CSMD1: variants seen among roughly 807,000 people sequenced by gnomAD.
The protein encoded by CSMD1 is CUB and Sushi multiple domains 1.
In CSMD1, 213 loss-of-function variants were observed where a neutral mutation model predicts 417.5. The observed-to-expected ratio is 0.51, with a 90% confidence interval of 0.46 to 0.57. The LOEUF is 0.57. Among genes scored for constraint, CSMD1 ranks in the 20% least tolerant of loss-of-function variants. The probability of loss-of-function intolerance (pLI) is 0.00; values close to 1 mark genes in which losing one functional copy is unlikely to be tolerated. For missense variants in CSMD1, 6,923 were observed against 4,529.7 expected, an observed-to-expected ratio of 1.53 and a Z score of -15.17; for synonymous variants, 2,862 against 1,736.8, an observed-to-expected ratio of 1.65 and a Z score of -16.11.
intron 3 of CSMD1, among the ~76,000 whole-genome samples, chr8:4,105,664 C>T (rs1801531573): frequency 6.6e-6 from 1 of 152,282 alleles, no homozygotes. Context: ...GTTTCTGACC[C>T]CATTAGCAGG....
chr8:4,022,794 C>A (rs1316219812), intron 4 of CSMD1, among the ~76,000 whole-genome samples: 1 of 152,128 alleles, frequency 6.6e-6, no homozygotes, highest in Non-Finnish European at 1.5e-5. Flanking sequence ...ACATATTAAG[C>A]AATCGTGTAA....
intron 57 of CSMD1, among the ~76,000 whole-genome samples, chr8:2,970,520 T>C (rs1358460655): frequency 6.6e-6 from 1 of 152,224 alleles, no homozygotes; most frequent in African/African-American, 2.4e-5. Flanking sequence ...AGATTATATC[T>C]ATAAAGTCTG....
At chr8:3,486,864 T>C (rs1818066996) in intron 11 of CSMD1, among the ~76,000 whole-genome samples, 1 of 152,218 alleles carries the variant, frequency 6.6e-6, no homozygotes, top group African/African-American at 2.4e-5. Flanking sequence ...AACAGGGTTC[T>C]TGGAAGAGGA....
intron 2 of CSMD1, among the ~76,000 whole-genome samples, chr8:4,533,400 G>A (rs1796939423): frequency 6.6e-6 from 1 of 152,172 alleles, no homozygotes; most frequent in African/African-American, 2.4e-5. Flanking sequence ...CATATGACCA[G>A]GATGGACGGA....
At chr8:4,356,361 T>C (rs1801432799) in intron 3 of CSMD1, among the ~76,000 whole-genome samples, 2 of 150,602 alleles carry the variant, frequency 1.3e-5, no homozygotes. Context: ...AGTTTCTTTA[T>C]CCACTTGTTG....
intron 18 of CSMD1, chr8:3,373,671 C>T (rs1218074840): frequency 1.3e-5 from 2 of 152,154 alleles, no homozygotes; most frequent in East Asian, 1.9e-4. Flanking sequence ...TATAGCTGCT[C>T]ATAATTTGAA....
intron 3 of CSMD1, among the ~76,000 whole-genome samples, chr8:4,222,594 C>T (rs1248284694): frequency 6.6e-6 from 1 of 152,096 alleles, no homozygotes; most frequent in Admixed American, 6.5e-5. Flanking sequence ...TCTGATTGTC[C>T]GAAGCCTGGC....
At chr8:3,605,481 C>T (rs1801568247) in intron 8 of CSMD1, among the ~76,000 whole-genome samples, 1 of 152,120 alleles carries the variant, frequency 6.6e-6, no homozygotes, top group African/African-American at 2.4e-5. Context: ...TATCAATACG[C>T]TACAAAAAAT....
intron 54 of CSMD1, among the ~76,000 whole-genome samples, chr8:2,983,966 G>C (rs1432123225): frequency 2.0e-5 from 3 of 152,122 alleles, no homozygotes; most frequent in African/African-American, 4.8e-5. Context: ...TTAATATTAA[G>C]CAAAATTGGC....
chr8:3,275,472 A>G (rs535503706), intron 26 of CSMD1, among the ~76,000 whole-genome samples: 19 of 152,118 alleles, frequency 1.2e-4, no homozygotes, highest in Non-Finnish European at 2.1e-4. Flanking sequence ...GTGAATGTTG[A>G]CCTGCCTTGC....
At chr8:3,537,802 G>C (rs766008361) in intron 10 of CSMD1, among the ~76,000 whole-genome samples, 1 of 152,160 alleles carries the variant, frequency 6.6e-6, no homozygotes, top group Non-Finnish European at 1.5e-5. Flanking sequence ...CTCATCCATA[G>C]CACTTGGCAC....
intron 3 of CSMD1, among the ~76,000 whole-genome samples, chr8:4,124,816 C>G (rs554841225): frequency 6.6e-6 from 1 of 152,138 alleles, no homozygotes; most frequent in East Asian, 1.9e-4. Context: ...TGTTTTTAAC[C>G]AATCAGGCCC....
rs1208141984 is a variant in CSMD1, at chr8:4,245,478, A to G, written c.415+174475T>C. On this transcript the variant is annotated intron_variant, in intron 3 of 69. Coordinates refer to ENST00000635120, the MANE Select transcript of CSMD1 (RefSeq NM_033225.6). ...CACGAGACACCCAACTCAGCAAACA[A>G]AAACTCTTCATGAAGAGCCTAAGGT... 3.9e-5 allele frequency among the ~76,000 whole-genome samples: 6 copies of G among 152,118 alleles called. 1 individual carries two copies. Among genetic ancestry groups the G allele is most frequent in the Admixed American group, 3.3e-4 (5 of 15,270 alleles).
intron 18 of CSMD1, among the ~76,000 whole-genome samples, chr8:3,372,564 T>C (rs1402186530): frequency 1.3e-5 from 2 of 152,110 alleles, no homozygotes; most frequent in Non-Finnish European, 2.9e-5. Context: ...CCGGTGGGAC[T>C]TTCTCCTGAA....
intron 1 of CSMD1, among the ~76,000 whole-genome samples, chr8:4,805,786 A>T (rs553259588): frequency 1.3e-5 from 2 of 152,286 alleles, no homozygotes; most frequent in South Asian, 2.1e-4. Flanking sequence ...ATTCAGGGTG[A>T]ACACGTTGAG....
intron 5 of CSMD1, among the ~76,000 whole-genome samples, chr8:3,885,256 G>A (rs895129217): frequency 5.9e-5 from 9 of 152,110 alleles, no homozygotes; most frequent in African/African-American, 1.9e-4. Flanking sequence ...ATCCTGAAAA[G>A]CCTCTAGCAT....
intron 6 of CSMD1, among the ~76,000 whole-genome samples, chr8:3,740,896 G>C (rs932660822): frequency 1.3e-5 from 2 of 152,036 alleles, no homozygotes; most frequent in African/African-American, 4.8e-5. Context: ...TCTGTGCCCA[G>C]GGGTGGGAGG....
intron 7 of CSMD1, among the ~76,000 whole-genome samples, chr8:3,681,971 G>A (rs1176623611): frequency 6.6e-6 from 1 of 152,146 alleles, no homozygotes; most frequent in Non-Finnish European, 1.5e-5. Flanking sequence ...ATGGTGCTGG[G>A]AAAACTGGCT....
chr8:4,377,865 T>A (rs1024175533), intron 3 of CSMD1, among the ~76,000 whole-genome samples: 1 of 152,204 alleles, frequency 6.6e-6, no homozygotes, highest in African/African-American at 2.4e-5. Context: ...TAACTGTGAT[T>A]ACTGCCGAAA....
Sources: allele counts gnomAD v4.1 joint callset (sites outside exome capture counted in the v4.1 genomes callset), GRCh38; gene constraint gnomAD v4.1.1; transcripts MANE v1.5; gene names NCBI Gene and HGNC (gene_info 2026-07-23, HGNC 2026-07-21).